Variants in ATXN10 observed in about 807,000 individuals in gnomAD.
ATXN10 encodes the protein ataxin-10.
Under a neutral mutation model 52.9 loss-of-function variants are expected in ATXN10, and 28 were observed. The ratio of observed to expected loss-of-function variants is 0.53; its 90% confidence interval spans 0.39 to 0.73. ATXN10 has a LOEUF of 0.73. Ranked by LOEUF, ATXN10 falls within the 30% of genes least tolerant of loss-of-function variation. The probability of loss-of-function intolerance (pLI) is 0.00; values close to 1 mark genes in which losing one functional copy is unlikely to be tolerated. For synonymous variants in ATXN10, 226 were observed against 221.5 expected (o/e 1.02, Z -0.18); for missense variants, 565 against 577.0 (o/e 0.98, Z 0.21).
rs1034934289 is a variant in ATXN10 at position 45,827,957 on chromosome 22, G to A, written c.1238-15034G>A. On this transcript the variant is annotated intron_variant, in intron 10 of 11. Transcript: ENST00000252934. The stretch of plus-strand genomic sequence containing the variant: ...TACAACTGGATAATGTTAGATATCA[G>A]AAATAGAACTAAAACTGGACTATTC... Among the ~76,000 whole-genome samples the A allele has an allele frequency of 4.6e-5, 7 of 152,146 alleles. No individual in the cohort carries two copies. In the East Asian group the frequency reaches 1.3e-3, roughly 29 times the overall value.
In ATXN10 at chr22:45,672,184, C is replaced by A; in HGVS notation, c.116+5C>A. 1.3e-6 allele frequency: 2 copies of A among 1,528,702 alleles called. No individual in the cohort carries two copies. The highest frequency in any genetic ancestry group is 8.8e-7 in the Non-Finnish European group (1 of 1,140,498). The allele number at this position is 1,528,702 out of a possible 1,614,324, so 94.7% of individuals were successfully genotyped here. On this transcript the variant is annotated splice_donor_5th_base_variant and intron_variant, in intron 1 of 11. Coordinates refer to ENST00000252934, the MANE Select transcript of ATXN10 (RefSeq NM_013236.4). ...CTTCAAAGAGCAGCGGAACCGGTAA[C>A]GGGTCCGGCCGGGGGGCTGCCCCGG...
chr22:45,836,327 T>C (rs897261743), intron 10 of ATXN10, among the ~76,000 whole-genome samples: 10 of 152,252 alleles, frequency 6.6e-5, no homozygotes, highest in South Asian at 2.1e-4. Context: ...CATTCGAGTT[T>C]ATTCTGAAAA....
At chr22:45,811,418 T>C (rs1346051154) in intron 10 of ATXN10, among the ~76,000 whole-genome samples, 1 of 152,194 alleles carries the variant, frequency 6.6e-6, no homozygotes, top group Non-Finnish European at 1.5e-5. Context: ...TACATAGTAA[T>C]GTTTTGGTCA....
intron 9 of ATXN10, chr22:45,760,697 AC>A (rs1926355914): frequency 6.5e-6 from 1 of 153,810 alleles, no homozygotes; most frequent in Non-Finnish European, 1.5e-5. Flanking sequence ...TAATGATGAT[AC>A]CTCTCCCATG....
chr22:45,836,381 G>T (rs528283721), intron 10 of ATXN10, among the ~76,000 whole-genome samples: 74 of 152,358 alleles, frequency 4.9e-4, no homozygotes, highest in Non-Finnish European at 8.7e-4. Context: ...CAGATGTCCT[G>T]TCCCAGGACC....
chr22:45,842,577 T>C lies in ATXN10; in HGVS notation c.1238-414T>C, dbSNP rs981637798. The stretch of plus-strand genomic sequence containing the variant: ...GTGACTGATTCTTTAGTGCTCTTCT[T>C]ATTCTTTCCCTAGTGAGTCAGTAAC... On this transcript the variant is annotated intron_variant, in intron 10 of 11. Transcript: ENST00000252934. This position sits in a 1 kb window ranked among gnomAD's most constrained non-coding sequence, Gnocchi z 4.8. Among the ~76,000 whole-genome samples the C allele has an allele frequency of 2.6e-5, 4 of 152,204 alleles. No homozygotes were observed. Among genetic ancestry groups the C allele is most frequent in the African/African-American group, 9.7e-5 (4 of 41,448 alleles).
intron 6 of ATXN10, among the ~76,000 whole-genome samples, chr22:45,725,562 C>T (rs1324576545): frequency 1.3e-5 from 2 of 152,034 alleles, no homozygotes; most frequent in Admixed American, 6.6e-5. Context: ...AGGAGTCTTT[C>T]GGTAAAGTCT....
chr22:45,766,630 A>G lies in ATXN10; in HGVS notation c.1173+26092A>G, dbSNP rs953267734. On this transcript the variant is annotated intron_variant, in intron 9 of 11. Transcript: ENST00000252934. The surrounding 1 kb of genome is among the most constrained non-coding windows in gnomAD (Gnocchi z 4.6). ...AGAAAACATGAATGAGTTCCGTTAT[A>G]TAACCTCCGAGTCTGGAAGCAATAA... Among the ~76,000 whole-genome samples the G allele has an allele frequency of 7.9e-5, 12 of 152,336 alleles. No individual in the cohort carries two copies. The highest frequency in any genetic ancestry group is 3.4e-3 in the Middle Eastern group (1 of 294).
chr22:45,804,345 A>C (rs1304291820), intron 9 of ATXN10, among the ~76,000 whole-genome samples: 1 of 152,252 alleles, frequency 6.6e-6, no homozygotes, highest in Non-Finnish European at 1.5e-5. Flanking sequence ...AGTATATGCC[A>C]GGTGTCTACT....
rs1923250666 is a variant in ATXN10, at chr22:45,688,794, T to C, written c.117-918T>C. Among the ~76,000 whole-genome samples, 1 of 152,256 alleles carries C rather than the reference T, an allele frequency of 6.6e-6. No homozygotes were observed. The highest frequency in any genetic ancestry group is 2.4e-5 in the African/African-American group (1 of 41,474). On this transcript the variant is annotated intron_variant, in intron 1 of 11. Transcript: ENST00000252934. This position sits in a 1 kb window ranked among gnomAD's most constrained non-coding sequence, Gnocchi z 4.0. ...TATGGTCTGAATCATTTGGCATTTA[T>C]AGAATCTCTTAAATTGTCCAATGTG... is the stretch of plus-strand genomic sequence containing the variant.
intron 9 of ATXN10, among the ~76,000 whole-genome samples, chr22:45,742,342 A>C (rs1925568650): frequency 6.6e-6 from 1 of 152,188 alleles, no homozygotes; most frequent in South Asian, 2.1e-4. Flanking sequence ...GCGGAGACTG[A>C]CTGTGAGAGG....
intron 6 of ATXN10, among the ~76,000 whole-genome samples, chr22:45,723,664 A>G (rs1924751283): frequency 6.6e-6 from 1 of 152,136 alleles, no homozygotes; most frequent in Non-Finnish European, 1.5e-5. Flanking sequence ...CACTTAGAAT[A>G]ATGGCCTCCA....
At chr22:45,792,607 G>C in intron 9 of ATXN10, 1 of 216,334 alleles carries the variant, frequency 4.6e-6, no homozygotes, top group Non-Finnish European at 9.7e-6. Context: ...TGCTCTCCTT[G>C]GCTCTTCAGT....
At chr22:45,695,304 G>A (rs535864717) in intron 3 of ATXN10, among the ~76,000 whole-genome samples, 1 of 144,004 alleles carries the variant, frequency 6.9e-6, no homozygotes, top group Non-Finnish European at 1.5e-5. Flanking sequence ...CAGCCTGGGC[G>A]ACAGAGCGAG....
chr22:45,813,631 T>C (rs2146891929), intron 10 of ATXN10, among the ~76,000 whole-genome samples: 1 of 152,198 alleles, frequency 6.6e-6, no homozygotes, highest in Admixed American at 6.5e-5. Flanking sequence ...AGACCCACAC[T>C]CAAGTTCTGC....
chr22:45,713,179 G>A (rs1924316446), intron 5 of ATXN10, among the ~76,000 whole-genome samples: 1 of 152,002 alleles, frequency 6.6e-6, no homozygotes, highest in South Asian at 2.1e-4. Flanking sequence ...TGTGCTCCTC[G>A]ATGCCCACAC....
intron 4 of ATXN10, among the ~76,000 whole-genome samples, chr22:45,702,233 T>C (rs1431920190): frequency 6.6e-6 from 1 of 152,204 alleles, no homozygotes; most frequent in Non-Finnish European, 1.5e-5. Context: ...CTAGAGGAGC[T>C]AGGAGTTATA....
intron 6 of ATXN10, among the ~76,000 whole-genome samples, chr22:45,719,887 C>T (rs904283075): frequency 6.6e-6 from 1 of 152,120 alleles, no homozygotes; most frequent in Admixed American, 6.5e-5. Flanking sequence ...TATTGTAGCA[C>T]ATTTCCATTA....
At position 45,762,074 on chromosome 22, in the gene ATXN10, G is replaced by A. The variant is rs931035144; in HGVS notation, c.1173+21536G>A. On this transcript the variant is annotated intron_variant, in intron 9 of 11. Coordinates refer to ENST00000252934, the MANE Select transcript of ATXN10 (RefSeq NM_013236.4). This position sits in a 1 kb window ranked among gnomAD's most constrained non-coding sequence, Gnocchi z 4.3. ...GTTTTTACTTCACTTTATGGTTTAA[G>A]TGAGCCAACCAACAAAAGTTACTCA... is the stretch of plus-strand genomic sequence containing the variant. Among the ~76,000 whole-genome samples, 2 of 152,136 alleles carry A rather than the reference G, an allele frequency of 1.3e-5. No homozygotes were observed. The highest frequency in any genetic ancestry group is 4.8e-5 in the African/African-American group (2 of 41,406).
Sources: allele counts gnomAD v4.1 joint callset (sites outside exome capture counted in the v4.1 genomes callset), GRCh38; gene constraint gnomAD v4.1.1; non-coding constraint Gnocchi (gnomAD v3.1); transcripts MANE v1.5; gene names NCBI Gene and HGNC (gene_info 2026-07-23, HGNC 2026-07-21).